The following PARD3 variants were observed in gnomAD, a reference collection of about 807,000 sequenced individuals.
PARD3 encodes partitioning defective 3 homolog.
PARD3 carries 75 observed loss-of-function variants against 155.4 expected under a neutral mutation model. The observed-to-expected ratio is 0.48, with a 90% CI of 0.40 to 0.58. The LOEUF is 0.58. Among genes scored for constraint, PARD3 ranks in the 20% least tolerant of loss-of-function variants. The pLI is 0.00. For missense variants in PARD3, 1,642 were observed against 1,721.7 expected (o/e 0.95, Z 0.82); for synonymous variants, 576 against 610.5 (o/e 0.94, Z 0.83).
chr10:34,674,945 T>C (rs2093677351), intron 2 of PARD3, among the ~76,000 whole-genome samples: 1 of 152,178 alleles, frequency 6.6e-6, no homozygotes, highest in Non-Finnish European at 1.5e-5. Context: ...TACTATGTTG[T>C]CTTCACACAT....
At chr10:34,119,556 G>A (rs1588832371) in intron 24 of PARD3, 57 bp downstream of exon 24, 2 of 1,525,928 alleles carry the variant, frequency 1.3e-6, no homozygotes, top group African/African-American at 1.4e-5. Flanking sequence ...GTTCCTAAAG[G>A]GCGGGGGATC....
chr10:34,125,129 T>C (rs893806495), intron 23 of PARD3, among the ~76,000 whole-genome samples: 11 of 150,690 alleles, frequency 7.3e-5, no homozygotes, highest in Non-Finnish European at 1.6e-4. Context: ...TGCAATGGCG[T>C]GATCTTGGCT....
chr10:34,721,744 T>A (rs998807192), intron 1 of PARD3, among the ~76,000 whole-genome samples: 8 of 152,266 alleles, frequency 5.3e-5, no homozygotes, highest in African/African-American at 1.4e-4. Context: ...TGCTGGAAGA[T>A]ATAACTAAAG....
chr10:34,738,369 G>A (rs2094952531), intron 1 of PARD3, among the ~76,000 whole-genome samples: 1 of 152,216 alleles, frequency 6.6e-6, no homozygotes, highest in Non-Finnish European at 1.5e-5. Flanking sequence ...TAGAGATGGA[G>A]TCTCACTATA....
At chr10:34,511,369 G>T (rs932924761) in intron 3 of PARD3, among the ~76,000 whole-genome samples, 2 of 152,038 alleles carry the variant, frequency 1.3e-5, no homozygotes, top group Non-Finnish European at 2.9e-5. Context: ...AGTTCATTTT[G>T]TCCTGCTCTA....
intron 2 of PARD3, among the ~76,000 whole-genome samples, chr10:34,676,525 T>G (rs1170005588): frequency 6.6e-6 from 1 of 152,146 alleles, no homozygotes; most frequent in Non-Finnish European, 1.5e-5. Flanking sequence ...GTAATTCCAT[T>G]TTACCTGCCA....
intron 1 of PARD3, among the ~76,000 whole-genome samples, chr10:34,803,224 G>A (rs758691015): frequency 6.9e-6 from 1 of 145,912 alleles, no homozygotes; most frequent in African/African-American, 2.6e-5. Flanking sequence ...GGGCAACAGA[G>A]TGAGACTCCG....
intron 23 of PARD3, among the ~76,000 whole-genome samples, chr10:34,120,969 G>T (rs1289344332): frequency 6.6e-6 from 1 of 151,728 alleles, no homozygotes. Context: ...GAGACAGGAG[G>T]ACCGCTTGAG....
intron 19 of PARD3, among the ~76,000 whole-genome samples, chr10:34,329,679 T>C (rs1835406708): frequency 6.6e-6 from 1 of 151,984 alleles, no homozygotes; most frequent in South Asian, 2.1e-4. Flanking sequence ...GTTCTGGGCC[T>C]GGAGAGGCCG....
At chr10:34,248,502 A>G (rs1954100053) in intron 22 of PARD3, among the ~76,000 whole-genome samples, 1 of 152,254 alleles carries the variant, frequency 6.6e-6, no homozygotes, top group African/African-American at 2.4e-5. Context: ...CACAGCTGAC[A>G]TATGGTCTAA....
intron 1 of PARD3, among the ~76,000 whole-genome samples, chr10:34,707,514 ACT>A (rs1318190622): frequency 1.3e-5 from 2 of 152,186 alleles, no homozygotes; most frequent in African/African-American, 2.4e-5. Context: ...TCTGATGCAC[ACT>A]GAGGTTTGAG....
chr10:34,490,800 G>A (rs1564773472), intron 3 of PARD3, among the ~76,000 whole-genome samples: 2 of 152,160 alleles, frequency 1.3e-5, no homozygotes, highest in Non-Finnish European at 2.9e-5. Context: ...TACTCTTTGA[G>A]TTATATATGT....
chr10:34,628,838 A>C (rs1356635761), intron 2 of PARD3, among the ~76,000 whole-genome samples: 1 of 152,256 alleles, frequency 6.6e-6, no homozygotes, highest in African/African-American at 2.4e-5. Context: ...AAAAATGACG[A>C]ACAAGAAACA....
chr10:34,155,579 G>T (rs889024016), intron 22 of PARD3, among the ~76,000 whole-genome samples: 1 of 152,072 alleles, frequency 6.6e-6, no homozygotes. Context: ...AGGGTGATGG[G>T]TCAGGGCAGA....
intron 18 of PARD3, among the ~76,000 whole-genome samples, chr10:34,332,420 A>G (rs913658058): frequency 6.6e-6 from 1 of 152,116 alleles, no homozygotes; most frequent in African/African-American, 2.4e-5. Context: ...AAGACAGGTG[A>G]AAAAAATAGA....
rs1257801987 is a variant in PARD3, at chr10:34,667,818, A to G, written c.222+28500T>C. Among the ~76,000 whole-genome samples the G allele has an allele frequency of 3.3e-5, 5 of 152,332 alleles. No homozygotes were observed. The East Asian group carries it at 9.6e-4, about 29-fold the overall frequency. ...TTAAATTCCACAAGAAACAAATAAT[A>G]TTGTGATGACATTATTAAGGATAAC... On this transcript the variant is annotated intron_variant, in intron 2 of 24. Coordinates refer to ENST00000374788, the MANE Select transcript of PARD3 (RefSeq NM_001184785.2).
chr10:34,684,736 T>A (rs1337225660), intron 2 of PARD3, among the ~76,000 whole-genome samples: 3 of 151,266 alleles, frequency 2.0e-5, no homozygotes, highest in Non-Finnish European at 2.9e-5. Flanking sequence ...CACCTGCTGG[T>A]CTTTCAGTTA....
At chr10:34,747,209 T>C (rs1358632538) in intron 1 of PARD3, among the ~76,000 whole-genome samples, 2 of 152,242 alleles carry the variant, frequency 1.3e-5, no homozygotes, top group Admixed American at 1.3e-4. Context: ...TTGGCTTTTT[T>C]TCTTTTCCCT....
intron 14 of PARD3, among the ~76,000 whole-genome samples, chr10:34,352,677 C>CT (rs1467608762): frequency 6.6e-6 from 1 of 152,188 alleles, no homozygotes; most frequent in African/African-American, 2.4e-5. Context: ...AGTGCAGTGG[C>CT]GTGATCTCAG....
Sources: gnomAD v4.1 joint callset for allele counts (sites outside exome capture counted in the v4.1 genomes callset) on GRCh38, gnomAD v4.1.1 for gene constraint, MANE v1.5 for transcripts, NCBI Gene and HGNC (gene_info 2026-07-23, HGNC 2026-07-21) for gene names.